The following RIPOR2 variants were observed in gnomAD, a reference collection of about 807,000 sequenced individuals.
RIPOR2 encodes rho family-interacting cell polarization regulator 2.
Under a neutral mutation model 114.5 loss-of-function variants are expected in RIPOR2, and 39 were observed. The observed-to-expected ratio is 0.34, with a 90% CI of 0.26 to 0.44. The LOEUF is 0.44. Among genes scored for constraint, RIPOR2 ranks in the 20% least tolerant of loss-of-function variants. The probability of loss-of-function intolerance (pLI) is 1.00; values close to 1 mark genes in which losing one functional copy is unlikely to be tolerated. For synonymous variants in RIPOR2, 445 were observed against 484.4 expected (o/e 0.92, Z 1.07); for missense variants, 1,007 against 1,255.1 (o/e 0.80, Z 2.99).
chr6:24,821,052 T>C (rs946929751), intron 19 of RIPOR2, among the ~76,000 whole-genome samples: 1 of 151,970 alleles, frequency 6.6e-6, no homozygotes, highest in Admixed American at 6.6e-5. Context: ...TTTGTATTTT[T>C]AGTACGGATG....
intron 1 of RIPOR2, among the ~76,000 whole-genome samples, chr6:24,890,320 C>T (rs771971378): frequency 6.6e-6 from 1 of 152,124 alleles, no homozygotes; most frequent in Non-Finnish European, 1.5e-5. Context: ...ACTATTCAAC[C>T]ATAAAAAATA....
intron 1 of RIPOR2, among the ~76,000 whole-genome samples, chr6:24,975,794 G>A (rs989438087): frequency 1.3e-5 from 2 of 152,120 alleles, no homozygotes; most frequent in African/African-American, 2.4e-5. Flanking sequence ...ATTTCACAAT[G>A]TGTCCGTATA....
chr6:24,870,536 G>T (rs1341925940), intron 5 of RIPOR2, among the ~76,000 whole-genome samples: 2 of 152,124 alleles, frequency 1.3e-5, no homozygotes, highest in Non-Finnish European at 2.9e-5. Flanking sequence ...ACAGGGTTTT[G>T]CTCTCTCAAC....
chr6:24,842,516 C>CCCCTGAGAGGGATCCTATCCAGTAACG (rs1562244955), intron 13 of RIPOR2, among the ~76,000 whole-genome samples: 2 of 152,158 alleles, frequency 1.3e-5, no homozygotes, highest in East Asian at 3.9e-4. Flanking sequence ...CTTTCCCGAC[C>CCCCTGAGAGGGATCCTATCCAGTAACG]CCCTGAGAGG....
At chr6:24,958,571 TTAA>T (rs1773150624) in intron 1 of RIPOR2, among the ~76,000 whole-genome samples, 1 of 152,200 alleles carries the variant, frequency 6.6e-6, no homozygotes, top group African/African-American at 2.4e-5. Flanking sequence ...GCTATTAAAA[TTAA>T]TTATTATTCC....
chr6:24,988,298 G>A (rs1414913828), intron 1 of RIPOR2, among the ~76,000 whole-genome samples: 1 of 152,030 alleles, frequency 6.6e-6, no homozygotes, highest in East Asian at 1.9e-4. Flanking sequence ...TGATTCTCTT[G>A]CCTCAGCCTC....
intron 13 of RIPOR2, among the ~76,000 whole-genome samples, chr6:24,841,842 T>G (rs1761753659): frequency 6.6e-6 from 1 of 152,052 alleles, no homozygotes; most frequent in African/African-American, 2.4e-5. Context: ...GGTCTCTAAC[T>G]CCTGGGCTCA....
chr6:25,032,430 C>T (rs760105009), intron 1 of RIPOR2, among the ~76,000 whole-genome samples: 10 of 152,200 alleles, frequency 6.6e-5, no homozygotes, highest in Admixed American at 1.3e-4. Flanking sequence ...AAGAACCTCT[C>T]TGGTGCCTCA....
At chr6:24,958,958 C>CTTTTTTTTTTTTTTT (rs1554124803) in intron 1 of RIPOR2, among the ~76,000 whole-genome samples, 9 of 123,188 alleles carry the variant, frequency 7.3e-5, no homozygotes, top group South Asian at 2.5e-4. Context: ...TCTACATTTT[C>CTTTTTTTTTTTTTTT]TTTTTTTTTT....
chr6:24,853,252 T>C (rs1254297604), intron 8 of RIPOR2, among the ~76,000 whole-genome samples: 1 of 152,208 alleles, frequency 6.6e-6, no homozygotes, highest in Non-Finnish European at 1.5e-5. Flanking sequence ...AGACGGGACT[T>C]TTCTTCTACT....
intron 1 of RIPOR2, among the ~76,000 whole-genome samples, chr6:24,882,025 A>G (rs1046353959): frequency 1.3e-5 from 2 of 152,226 alleles, no homozygotes; most frequent in Non-Finnish European, 2.9e-5. Flanking sequence ...ACAGGAATCA[A>G]TCTTGGAGGG....
Position 24,967,909 on chromosome 6 carries a change from C to CCTTT in RIPOR2, c.76+73941_76+73942insAAAG, listed in dbSNP as rs1561814337. 1.6e-5 allele frequency among the ~76,000 whole-genome samples: 2 copies of CCTTT among 123,518 alleles called. 1 individual carries two copies. 81.0% of individuals were successfully genotyped at this position (123,518 alleles called of 152,430 possible). ...CCTGTCTTGGCTGCAAGATCTCAATCTTTTTTTTTTTTTTTTTTTTTTAGA... is the reference window on the plus strand; with the variant it reads ...CCTGTCTTGGCTGCAAGATCTCAATCCTTTTTTTTTTTTTTTTTTTTTTTTTAGA... On this transcript the variant is annotated intron_variant, in intron 1 of 13. Transcript: ENST00000510784.
rs34572978 is a variant in RIPOR2, at chr6:25,005,738, T to TATATATATATACATAC, written c.76+36112_76+36113insGTATGTATATATATAT. On this transcript the variant is annotated intron_variant, in intron 1 of 13. Coordinates refer to the RIPOR2 transcript ENST00000510784. Reference sequence around the variant, plus strand: ...ATATATATATATATATATATATATATATACATTTACCGATCAAAAGATATG... The same window carrying TATATATATATACATAC: ...ATATATATATATATATATATATATATATATATATATACATACATACATTTACCGATCAAAAGATATG... Among the ~76,000 whole-genome samples, 108 of 70,684 alleles carry TATATATATATACATAC rather than the reference T, an allele frequency of 1.5e-3. 12 individuals carry two copies. Among genetic ancestry groups the TATATATATATACATAC allele is most frequent in the Non-Finnish European group, 3.3e-3 (100 of 30,012 alleles). The allele number at this position is 70,684 out of a possible 152,430, so 46.4% of individuals were successfully genotyped here.
chr6:24,958,990 C>A (rs370636850), intron 1 of RIPOR2, among the ~76,000 whole-genome samples: 1 of 134,252 alleles, frequency 7.4e-6, no homozygotes. Context: ...CTCACCCTGT[C>A]GCCCAGGCTG....
intron 1 of RIPOR2, among the ~76,000 whole-genome samples, chr6:25,001,068 G>A (rs1775291254): frequency 6.6e-6 from 1 of 152,056 alleles, no homozygotes; most frequent in Non-Finnish European, 1.5e-5. Flanking sequence ...TGGTGCATGT[G>A]CACACACATA....
Position 24,839,529 on chromosome 6 carries a change from G to A in RIPOR2, c.1858-257C>T, listed in dbSNP as rs1761428062. 2.2e-6 allele frequency: 3 copies of A among 1,392,270 alleles called. No homozygotes were observed. In the South Asian group the frequency reaches 4.0e-5, roughly 18 times the overall value. The allele number at this position is 1,392,270 out of a possible 1,614,324, so 86.2% of individuals were successfully genotyped here. ...AGGTTGAAGAATAGGAAACAAGATT[G>A]GCCATGAGTTGATCACTGAGGAGGT... On this transcript the variant is annotated intron_variant, in intron 13 of 21. Coordinates refer to ENST00000643898, the MANE Select transcript of RIPOR2 (RefSeq NM_001286445.3).
chr6:25,005,740 T>TATAC lies in RIPOR2; in HGVS notation c.76+36110_76+36111insGTAT, dbSNP rs1491374316. On this transcript the variant is annotated intron_variant, in intron 1 of 13. Coordinates refer to the RIPOR2 transcript ENST00000510784. ...ATATATATATATATATATATATATA[T>TATAC]ACATTTACCGATCAAAAGATATGCC... is the stretch of plus-strand genomic sequence containing the variant. Among the ~76,000 whole-genome samples the TATAC allele has an allele frequency of 2.2e-3, 232 of 104,504 alleles. 23 individuals are homozygous for TATAC. The highest frequency in any genetic ancestry group is 0.013 in the East Asian group (35 of 2,600). 68.6% of individuals were successfully genotyped at this position (104,504 alleles called of 152,430 possible). A position where few individuals can be genotyped will look rare whatever the true frequency, so the allele number is the denominator to read the frequency against.
At chr6:24,927,126 T>C (rs1400406736) in intron 1 of RIPOR2, among the ~76,000 whole-genome samples, 3,924 of 4,964 alleles carry the variant, frequency 0.79, 1,942 homozygotes, top group East Asian at 0.83. Flanking sequence ...ATTATAATCA[T>C]CATCTCACTA....
chr6:25,035,345 T>G (rs887775838), intron 1 of RIPOR2, among the ~76,000 whole-genome samples: 2 of 152,202 alleles, frequency 1.3e-5, no homozygotes, highest in African/African-American at 4.8e-5. Flanking sequence ...TCTTTAAGCT[T>G]GTAGCTTAAA....
Sources: allele counts gnomAD v4.1 joint callset (sites outside exome capture counted in the v4.1 genomes callset), GRCh38; gene constraint gnomAD v4.1.1; transcripts MANE v1.5; gene names NCBI Gene and HGNC (gene_info 2026-07-23, HGNC 2026-07-21).